Variants in CEP63 observed in about 807,000 individuals in gnomAD.
CEP63 encodes the protein centrosomal protein of 63 kDa.
A neutral mutation model predicts 89.1 loss-of-function variants in CEP63; 84 were observed. The observed-to-expected ratio is 0.94, with a 90% confidence interval of 0.79 to 1.13. CEP63 has a LOEUF of 1.13. CEP63 is among the 50% of genes most tolerant of loss of function. The pLI is 0.00. For missense variants in CEP63, 838 were observed against 813.3 expected (o/e 1.03, Z -0.37); for synonymous variants, 267 against 272.5 (o/e 0.98, Z 0.20).
At chr3:134,725,629 C>G in the CEP63 span, among the ~76,000 whole-genome samples, 1 of 152,246 alleles carries the variant, frequency 6.6e-6, no homozygotes, top group African/African-American at 2.4e-5. Context: ...TGTGCACCCT[C>G]TCTTCAGATT....
At chr3:134,701,257 C>T in the CEP63 span, among the ~76,000 whole-genome samples, 2 of 79,082 alleles carry the variant, frequency 2.5e-5, no homozygotes, top group South Asian at 1.1e-3. Flanking sequence ...TATACATATA[C>T]ACATATATAC....
intron 3 of CEP63, among the ~76,000 whole-genome samples, chr3:134,517,018 C>T (rs1322155875): frequency 6.6e-6 from 1 of 152,154 alleles, no homozygotes; most frequent in Middle Eastern, 3.2e-3. Context: ...CTCCAACTTC[C>T]CATTCCTCAG....
intron 1 of CEP63, among the ~76,000 whole-genome samples, chr3:134,494,304 C>T (rs1262200541): frequency 9.3e-5 from 14 of 150,496 alleles, no homozygotes; most frequent in East Asian, 2.0e-4. Context: ...TTGGTAGAGG[C>T]GGAGTTTTAC....
At chr3:134,553,830 T>G (rs1955471377) in intron 12 of CEP63, among the ~76,000 whole-genome samples, 1 of 152,222 alleles carries the variant, frequency 6.6e-6, no homozygotes, top group Admixed American at 6.5e-5. Flanking sequence ...CAGAATGGTC[T>G]TATCTTTTTA....
chr3:134,643,987 G>A, the CEP63 span, among the ~76,000 whole-genome samples: 1 of 152,086 alleles, frequency 6.6e-6, no homozygotes, highest in African/African-American at 2.4e-5. Context: ...CCACCACACT[G>A]GCTAATTTTT....
the CEP63 span, among the ~76,000 whole-genome samples, chr3:134,708,772 A>G: frequency 6.6e-6 from 1 of 152,148 alleles, no homozygotes; most frequent in African/African-American, 2.4e-5. Context: ...GACCTTGATC[A>G]TGGAGGGATG....
At chr3:134,756,678 C>T in the CEP63 span, among the ~76,000 whole-genome samples, 1 of 152,148 alleles carries the variant, frequency 6.6e-6, no homozygotes, top group East Asian at 1.9e-4. Flanking sequence ...TTGACAGCCT[C>T]GTGAGGGGAG....
the CEP63 span, among the ~76,000 whole-genome samples, chr3:134,674,514 C>T: frequency 3.3e-5 from 5 of 152,146 alleles, no homozygotes; most frequent in Non-Finnish European, 7.3e-5. Flanking sequence ...AAGCCTTCCC[C>T]CTAACATTTG....
chr3:134,495,242 T>C, intron 1 of CEP63, 54 bp from the exon 2 acceptor site: 2 of 1,213,864 alleles, frequency 1.6e-6, no homozygotes, highest in Non-Finnish European at 1.2e-6. Context: ...TAAGTTAGAA[T>C]GTTAGAACTG....
At chr3:134,538,533 G>GATATATATATATATATATGTATATA (rs1553770393) in intron 6 of CEP63, among the ~76,000 whole-genome samples, 1 of 101,372 alleles carries the variant, frequency 9.9e-6, no homozygotes. Context: ...GTGTGTGTGT[G>GATATATATATATATATATGTATATA]TATATATATA....
chr3:134,737,293 G>A, the CEP63 span, among the ~76,000 whole-genome samples: 1 of 152,066 alleles, frequency 6.6e-6, no homozygotes, highest in Non-Finnish European at 1.5e-5. Flanking sequence ...AAGAAAGATT[G>A]GTGATTTCAA....
At chr3:134,510,542 T>A in intron 3 of CEP63, 1 of 457,454 alleles carries the variant, frequency 2.2e-6, no homozygotes, top group Non-Finnish European at 4.1e-6. Context: ...ACTGGATGCT[T>A]TTTATTAAGA....
the CEP63 span, among the ~76,000 whole-genome samples, chr3:134,758,178 C>A: frequency 6.6e-6 from 1 of 152,172 alleles, no homozygotes; most frequent in Non-Finnish European, 1.5e-5. Flanking sequence ...AGTGTAAACT[C>A]CAGGACTGTA....
At chr3:134,744,655 C>T in the CEP63 span, among the ~76,000 whole-genome samples, 1 of 152,160 alleles carries the variant, frequency 6.6e-6, no homozygotes, top group Non-Finnish European at 1.5e-5. Context: ...GCTGGTACTA[C>T]AGGCATGTGC....
chr3:134,701,292 A>ATGTGTATATATACGTATATG, the CEP63 span, among the ~76,000 whole-genome samples: 5 of 51,512 alleles, frequency 9.7e-5, no homozygotes, highest in African/African-American at 2.5e-4. Flanking sequence ...ATACGTATAT[A>ATGTGTATATATACGTATATG]TGTGTATATA....
At chr3:134,570,077 C>G (rs1294330072) in intron 11 of CEP63, among the ~76,000 whole-genome samples, 1 of 152,202 alleles carries the variant, frequency 6.6e-6, no homozygotes, top group East Asian at 1.9e-4. Context: ...AGCATGGGGA[C>G]CCTGGGCCTG....
chr3:134,671,517 A>G, the CEP63 span, among the ~76,000 whole-genome samples: 5 of 152,236 alleles, frequency 3.3e-5, no homozygotes, highest in Admixed American at 2.6e-4. Context: ...TCTGAAGCAA[A>G]CATAGAAGAA....
At chr3:134,559,081 A>G (rs948169298) in intron 13 of CEP63, 69 bp from the exon 14 acceptor site, 23 of 1,551,680 alleles carry the variant, frequency 1.5e-5, no homozygotes, top group Admixed American at 1.4e-4. Context: ...CAAATTTCCT[A>G]CATTTCTGTT....
chr3:134,604,482 G>C, the CEP63 span: 3 of 1,596,108 alleles, frequency 1.9e-6, no homozygotes, highest in African/African-American at 1.3e-5. Flanking sequence ...TCACTGAGGA[G>C]AGAAAGTCAG....
Sources: allele counts gnomAD v4.1 joint callset (sites outside exome capture counted in the v4.1 genomes callset), GRCh38; gene constraint gnomAD v4.1.1; transcripts MANE v1.5; gene names NCBI Gene and HGNC (gene_info 2026-07-23, HGNC 2026-07-21).